Variants in CADPS2 observed in about 807,000 individuals in gnomAD.
CADPS2 encodes calcium-dependent secretion activator 2.
CADPS2 carries 93 observed loss-of-function variants against 172.5 expected under a neutral mutation model. The ratio of observed to expected loss-of-function variants is 0.54; its 90% CI spans 0.46 to 0.64. The LOEUF (loss-of-function observed/expected upper bound fraction) is 0.64, where lower values mean the gene tolerates loss of function less well. CADPS2 is among the 30% of genes least tolerant of loss of function. CADPS2 has a pLI of 0.00. For missense variants in CADPS2, 1,420 were observed against 1,565.9 expected, an observed-to-expected ratio of 0.91 and a Z score of 1.57; for synonymous variants, 546 against 555.2, an observed-to-expected ratio of 0.98 and a Z score of 0.23.
chr7:122,670,869 C>CAAA (rs35788531), intron 2 of CADPS2, among the ~76,000 whole-genome samples: 4 of 122,974 alleles, frequency 3.3e-5, no homozygotes, highest in Admixed American at 8.1e-5. Context: ...AACCCTGTTT[C>CAAA]AAAAAAAAAA....
chr7:122,554,119 A>G (rs1376516201), intron 8 of CADPS2, among the ~76,000 whole-genome samples: 1 of 150,486 alleles, frequency 6.6e-6, no homozygotes, highest in Non-Finnish European at 1.5e-5. Flanking sequence ...CTCTTGTTAA[A>G]ATGTATATAG....
At chr7:122,359,097 G>A (rs1404057212) in intron 27 of CADPS2, among the ~76,000 whole-genome samples, 2 of 152,114 alleles carry the variant, frequency 1.3e-5, no homozygotes, top group African/African-American at 2.4e-5. Context: ...TATTTAAGTA[G>A]TGGGTTTAGT....
intron 1 of CADPS2, among the ~76,000 whole-genome samples, chr7:122,877,013 A>G (rs2141638023): frequency 6.6e-6 from 1 of 152,272 alleles, no homozygotes; most frequent in South Asian, 2.1e-4. Context: ...TCTTATGAAC[A>G]TACATGTAAA....
chr7:122,367,632 C>G (rs954632094), intron 25 of CADPS2, among the ~76,000 whole-genome samples: 9 of 145,276 alleles, frequency 6.2e-5, no homozygotes, highest in Admixed American at 3.5e-4. Flanking sequence ...GCAATCTCTG[C>G]CTCCTGAGTG....
chr7:122,636,438 G>T (rs1299053360), intron 3 of CADPS2, among the ~76,000 whole-genome samples: 2 of 149,924 alleles, frequency 1.3e-5, no homozygotes, highest in Non-Finnish European at 3.0e-5. Context: ...TCCTCTTCCG[G>T]CTCGTAAGGT....
intron 2 of CADPS2, among the ~76,000 whole-genome samples, chr7:122,685,575 G>T (rs1053418223): frequency 2.0e-5 from 3 of 152,110 alleles, no homozygotes; most frequent in Non-Finnish European, 4.4e-5. Context: ...TCTTTGTTCA[G>T]CTCATTATCT....
intron 3 of CADPS2, among the ~76,000 whole-genome samples, chr7:122,658,692 A>G (rs2080127251): frequency 6.6e-6 from 1 of 152,182 alleles, no homozygotes; most frequent in Non-Finnish European, 1.5e-5. Flanking sequence ...CAATGAGAAC[A>G]CGTGGACACA....
At chr7:122,613,655 G>A (rs1407966122) in intron 6 of CADPS2, among the ~76,000 whole-genome samples, 1 of 151,740 alleles carries the variant, frequency 6.6e-6, no homozygotes, top group East Asian at 1.9e-4. Flanking sequence ...ATTGGTTGGG[G>A]GTTGATAGCT....
At chr7:122,567,535 C>T (rs549261315) in intron 7 of CADPS2, among the ~76,000 whole-genome samples, 1 of 152,078 alleles carries the variant, frequency 6.6e-6, no homozygotes, top group East Asian at 1.9e-4. Context: ...AATAAATGTA[C>T]AATCTTCTAA....
chr7:122,728,880 T>C (rs2091363998), intron 2 of CADPS2, among the ~76,000 whole-genome samples: 1 of 151,782 alleles, frequency 6.6e-6, no homozygotes, highest in African/African-American at 2.4e-5. Flanking sequence ...CACCCAAGTA[T>C]TTATTATATT....
In CADPS2 at chr7:122,580,452, CA is replaced by C. The variant is rs34849650; in HGVS notation, c.1335+726del. On this transcript the variant is annotated intron_variant, in intron 7 of 29. Coordinates refer to ENST00000449022, the MANE Select transcript of CADPS2 (RefSeq NM_017954.11). ...TGGGCAACAGAGCAAGATTCTGTCTCAAAAAAAAAAAAAAACCCATTAAAAA... is the reference window on the plus strand; with the variant it reads ...TGGGCAACAGAGCAAGATTCTGTCTCAAAAAAAAAAAAAACCCATTAAAAA... 9.4e-3 allele frequency among the ~76,000 whole-genome samples: 1,252 copies of C among 133,388 alleles called. 9 individuals carry two copies. Among genetic ancestry groups the C allele is most frequent in the African/African-American group, 0.029 (1,031 of 35,906 alleles). 87.5% of individuals were successfully genotyped at this position (133,388 alleles called of 152,430 possible). A position where few individuals can be genotyped will look rare whatever the true frequency, so the allele number is the denominator to read the frequency against.
chr7:122,784,744 T>C lies in CADPS2; in HGVS notation c.340-47676A>G, dbSNP rs149732174. On this transcript the variant is annotated intron_variant, in intron 1 of 29. Transcript: ENST00000449022. ...TTTTTTTTCTGGAGCCATCTGTATA[T>C]ATCATTAGAGAATTTGAGAATTTTA... Among the ~76,000 whole-genome samples, 474 of 152,246 alleles carry C rather than the reference T, an allele frequency of 3.1e-3. No homozygotes were observed. In the Middle Eastern group the frequency reaches 0.034, roughly 11 times the overall value.
rs868292020 is a variant in CADPS2, at chr7:122,535,751, G to T, written c.1475+18799C>A. 3.3e-3 allele frequency among the ~76,000 whole-genome samples: 507 copies of T among 152,220 alleles called. 4 individuals are homozygous for T. Among genetic ancestry groups the T allele is most frequent in the African/African-American group, 0.012 (484 of 41,574 alleles). ...TTAAAGCCTAATGGCAAGAGTTGTA[G>T]ATTGATGGGATGATATACTGAGCCC... On this transcript the variant is annotated intron_variant, in intron 8 of 29. Transcript: ENST00000449022.
chr7:122,489,990 T>C (rs927948105), intron 11 of CADPS2, 91 bp downstream of exon 11: 4 of 1,032,966 alleles, frequency 3.9e-6, no homozygotes, highest in Admixed American at 2.3e-5. Context: ...CAATTAATGA[T>C]GTAAACTATA....
At chr7:122,459,423 A>G (rs1410679307) in intron 14 of CADPS2, among the ~76,000 whole-genome samples, 1 of 152,134 alleles carries the variant, frequency 6.6e-6, no homozygotes, top group Non-Finnish European at 1.5e-5. Flanking sequence ...ATTTTCAAGT[A>G]TTCGATACAT....
chr7:122,371,592 G>A (rs145188162), intron 25 of CADPS2, among the ~76,000 whole-genome samples: 67 of 152,266 alleles, frequency 4.4e-4, no homozygotes, highest in Non-Finnish European at 7.2e-4. Context: ...GAGATTTTGG[G>A]TGGGAACACA....
intron 15 of CADPS2, among the ~76,000 whole-genome samples, chr7:122,445,903 A>T (rs1288879074): frequency 6.6e-6 from 1 of 152,212 alleles, no homozygotes; most frequent in Non-Finnish European, 1.5e-5. Context: ...TCAGATAATC[A>T]TGTTACTTGC....
At chr7:122,381,981 C>T (rs2043066979) in intron 24 of CADPS2, among the ~76,000 whole-genome samples, 1 of 152,112 alleles carries the variant, frequency 6.6e-6, no homozygotes, top group South Asian at 2.1e-4. Flanking sequence ...CTTTCAGAAT[C>T]TGCTCTGGCT....
At chr7:122,557,398 G>C (rs1175537899) in intron 7 of CADPS2, among the ~76,000 whole-genome samples, 1 of 152,100 alleles carries the variant, frequency 6.6e-6, no homozygotes. Context: ...CACAGTGCCT[G>C]CCAGATAGGA....
Sources: allele counts gnomAD v4.1 joint callset (sites outside exome capture counted in the v4.1 genomes callset), GRCh38; gene constraint gnomAD v4.1.1; transcripts MANE v1.5; gene names NCBI Gene and HGNC (gene_info 2026-07-23, HGNC 2026-07-21).